The following RALYL variants were observed in gnomAD, a reference collection of about 807,000 sequenced individuals.
RALYL encodes the protein RNA-binding Raly-like protein.
RALYL carries 29 observed loss-of-function variants against 35.1 expected under a neutral mutation model. That is an observed-to-expected ratio of 0.83 (90% CI 0.61 to 1.13). The LOEUF (loss-of-function observed/expected upper bound fraction) is 1.13, where lower values mean the gene tolerates loss of function less well. Ranked by LOEUF, RALYL falls within the 50% of genes most tolerant of loss-of-function variation. RALYL has a pLI of 0.00. For synonymous variants in RALYL, 120 were observed against 127.6 expected (o/e 0.94, Z 0.40); for missense variants, 359 against 360.4 (o/e 1.00, Z 0.03).
chr8:84,292,130 TAAG>T (rs138189208), intron 1 of RALYL, among the ~76,000 whole-genome samples: 2,429 of 151,976 alleles, frequency 0.016, 41 homozygotes, highest in African/African-American at 0.043. Flanking sequence ...GAGAAACAAA[TAAG>T]AAGAAGAAGG....
chr8:84,397,174 A>C (rs1458116877), intron 1 of RALYL, among the ~76,000 whole-genome samples: 3 of 152,132 alleles, frequency 2.0e-5, no homozygotes, highest in Non-Finnish European at 4.4e-5. Flanking sequence ...AGCCAAGGGC[A>C]CCTTCTGGGA....
chr8:84,787,778 G>A (rs1316901262), intron 3 of RALYL, among the ~76,000 whole-genome samples: 1 of 152,198 alleles, frequency 6.6e-6, no homozygotes, highest in Non-Finnish European at 1.5e-5. Flanking sequence ...ACCAGTGATG[G>A]TGAGCTTTGT....
chr8:84,866,298 C>T (rs1202905574), intron 6 of RALYL, among the ~76,000 whole-genome samples: 2 of 152,112 alleles, frequency 1.3e-5, no homozygotes, highest in African/African-American at 4.8e-5. Flanking sequence ...ATACTACCAT[C>T]GTGGCCTTGG....
rs765769039 is a variant in RALYL, at chr8:84,392,540, C to A, written c.-23-136759C>A. 4.7e-4 allele frequency among the ~76,000 whole-genome samples: 71 copies of A among 151,948 alleles called. 1 individual carries two copies. The highest frequency in any genetic ancestry group is 3.2e-3 in the Admixed American group (48 of 15,232). ...ATTTAAAATATTTAAAAATACATCT[C>A]TGTATGTGGAATTTTAGAAAGTATT... On this transcript the variant is annotated intron_variant, in intron 1 of 8. Coordinates refer to ENST00000521268, the MANE Select transcript of RALYL (RefSeq NM_173848.7).
chr8:84,323,081 T>C (rs1458322065), intron 1 of RALYL, among the ~76,000 whole-genome samples: 2 of 151,990 alleles, frequency 1.3e-5, no homozygotes, highest in Non-Finnish European at 2.9e-5. Context: ...TCACAGAAAA[T>C]ATATATTGTG....
At chr8:84,691,084 A>G (rs1837945944) in intron 2 of RALYL, among the ~76,000 whole-genome samples, 1 of 152,106 alleles carries the variant, frequency 6.6e-6, no homozygotes, top group South Asian at 2.1e-4. Context: ...GGCAAGTCAA[A>G]GCACTGTTTG....
intron 2 of RALYL, among the ~76,000 whole-genome samples, chr8:84,624,222 G>C (rs1380672711): frequency 6.6e-6 from 1 of 152,118 alleles, no homozygotes; most frequent in African/African-American, 2.4e-5. Flanking sequence ...TTTTCTTACT[G>C]TACTAGTTCT....
At chr8:84,394,135 G>A (rs1017553454) in intron 1 of RALYL, among the ~76,000 whole-genome samples, 2 of 151,962 alleles carry the variant, frequency 1.3e-5, no homozygotes, top group Non-Finnish European at 2.9e-5. Context: ...TGTTCCTTAT[G>A]TAACATGATT....
chr8:84,873,058 G>A (rs996588034), intron 6 of RALYL: 1 of 378,682 alleles, frequency 2.6e-6, no homozygotes, highest in African/African-American at 2.1e-5. Flanking sequence ...TCAGTCAAAA[G>A]ATTTAGGATT....
intron 2 of RALYL, among the ~76,000 whole-genome samples, chr8:84,745,009 C>T (rs1808274343): frequency 6.6e-6 from 1 of 151,814 alleles, no homozygotes. Flanking sequence ...GCACAAAACA[C>T]TCACCTCCAT....
chr8:84,640,796 A>G (rs978421601), intron 2 of RALYL, among the ~76,000 whole-genome samples: 1 of 151,986 alleles, frequency 6.6e-6, no homozygotes, highest in African/African-American at 2.4e-5. Flanking sequence ...GAAGTTTTCA[A>G]AACAGGATAT....
chr8:84,351,413 C>T (rs1035331226), intron 1 of RALYL, among the ~76,000 whole-genome samples: 13 of 149,510 alleles, frequency 8.7e-5, no homozygotes, highest in Admixed American at 8.0e-4. Flanking sequence ...ATAGCCTATT[C>T]TTTATTATTT....
intron 1 of RALYL, among the ~76,000 whole-genome samples, chr8:84,468,463 A>G (rs1042726618): frequency 6.7e-6 from 1 of 149,488 alleles, no homozygotes; most frequent in African/African-American, 2.4e-5. Context: ...AGAATGTTGA[A>G]CATTGGCCCC....
chr8:84,435,938 T>C (rs1036012966), intron 1 of RALYL, among the ~76,000 whole-genome samples: 1 of 152,228 alleles, frequency 6.6e-6, no homozygotes, highest in Non-Finnish European at 1.5e-5. Flanking sequence ...AATATGGTTG[T>C]TGTGGATTAA....
chr8:84,434,220 C>T (rs986633029), intron 1 of RALYL, among the ~76,000 whole-genome samples: 2 of 151,994 alleles, frequency 1.3e-5, no homozygotes, highest in Non-Finnish European at 2.9e-5. Flanking sequence ...TTTAAAAGAA[C>T]ACTAGTCATA....
At chr8:84,530,540 G>A (rs977664436) in intron 2 of RALYL, among the ~76,000 whole-genome samples, 1 of 151,080 alleles carries the variant, frequency 6.6e-6, no homozygotes, top group Non-Finnish European at 1.5e-5. Flanking sequence ...AAGTTCGCTT[G>A]TCAATATATT....
At chr8:84,673,077 G>A (rs1833569875) in intron 2 of RALYL, among the ~76,000 whole-genome samples, 1 of 152,122 alleles carries the variant, frequency 6.6e-6, no homozygotes, top group African/African-American at 2.4e-5. Context: ...TCTGACTGGT[G>A]TTAGATGGTA....
At chr8:84,323,366 G>T (rs1207673234) in intron 1 of RALYL, among the ~76,000 whole-genome samples, 1 of 151,982 alleles carries the variant, frequency 6.6e-6, no homozygotes, top group Non-Finnish European at 1.5e-5. Flanking sequence ...TTGGTCTAAA[G>T]CTAACAAGCT....
At chr8:84,584,764 TAACGCTTGTGTTA>T (rs776447316) in intron 2 of RALYL, among the ~76,000 whole-genome samples, 4 of 152,214 alleles carry the variant, frequency 2.6e-5, no homozygotes, top group Non-Finnish European at 4.4e-5. Context: ...GAAACTTTGC[TAACGCTTGTGTTA>T]AAGATGTGGG....
Sources: allele counts gnomAD v4.1 joint callset (sites outside exome capture counted in the v4.1 genomes callset), GRCh38; gene constraint gnomAD v4.1.1; transcripts MANE v1.5; gene names NCBI Gene and HGNC (gene_info 2026-07-23, HGNC 2026-07-21).